The following GPC6 variants were observed in gnomAD, a reference collection of about 807,000 sequenced individuals.
GPC6 encodes glypican-6.
GPC6 carries 14 observed loss-of-function variants against 55.2 expected under a neutral mutation model. That is an observed-to-expected ratio of 0.25 (90% CI 0.17 to 0.40). The LOEUF is 0.40. GPC6 is among the 10% of genes least tolerant of loss of function. The pLI is 1.00. For synonymous variants in GPC6, 278 were observed against 259.6 expected, an observed-to-expected ratio of 1.07 and a Z score of -0.68; for missense variants, 641 against 708.5, an observed-to-expected ratio of 0.90 and a Z score of 1.08.
At chr13:94,029,266 C>T (rs1286497818) in intron 4 of GPC6, among the ~76,000 whole-genome samples, 1 of 152,152 alleles carries the variant, frequency 6.6e-6, no homozygotes, top group Non-Finnish European at 1.5e-5. Context: ...AATTGAAGTG[C>T]CGTTACCTCT....
In GPC6 at chr13:94,388,525, TG is replaced by T. The variant is rs1232974530; in HGVS notation, c.1289+5976del. ...CACACAAACCTCTGGTCTTTAATAG[TG>T]CCATTTTGATACATGGCAAGGATGA... On this transcript the variant is annotated intron_variant, in intron 7 of 8. Coordinates refer to ENST00000377047, the MANE Select transcript of GPC6 (RefSeq NM_005708.5). Among the ~76,000 whole-genome samples, 4 of 152,358 alleles carry T rather than the reference TG, an allele frequency of 2.6e-5. No homozygotes were observed. In the South Asian group the frequency reaches 6.2e-4, roughly 24 times the overall value.
intron 6 of GPC6, among the ~76,000 whole-genome samples, chr13:94,377,601 C>G (rs1333864187): frequency 6.7e-6 from 1 of 149,278 alleles, no homozygotes; most frequent in African/African-American, 2.4e-5. Flanking sequence ...GTTGGTGGGA[C>G]TGTAAACTAG....
chr13:93,304,107 C>T (rs902947219), intron 1 of GPC6, among the ~76,000 whole-genome samples: 4 of 152,018 alleles, frequency 2.6e-5, no homozygotes, highest in Non-Finnish European at 4.4e-5. Flanking sequence ...ACCTTGTGAT[C>T]CGCCTGCCTC....
intron 2 of GPC6, among the ~76,000 whole-genome samples, chr13:93,670,772 C>T (rs552501410): frequency 2.6e-5 from 4 of 152,298 alleles, no homozygotes; most frequent in African/African-American, 9.6e-5. Flanking sequence ...TCGTACAGGT[C>T]ACCTTTAAAA....
rs564770641 is a variant in GPC6 at position 93,691,920 on chromosome 13, G to C, written c.320-138234G>C. Among the ~76,000 whole-genome samples, 3 of 152,140 alleles carry C rather than the reference G, an allele frequency of 2.0e-5. No homozygotes were observed. In the South Asian group the frequency reaches 6.2e-4, roughly 32 times the overall value. On this transcript the variant is annotated intron_variant, in intron 2 of 8. Coordinates refer to ENST00000377047, the MANE Select transcript of GPC6 (RefSeq NM_005708.5). ...GGATTTTGGAAGTTTTATAGTTAGA[G>C]AGAACAACTAATATATATACTTCAG...
intron 2 of GPC6, among the ~76,000 whole-genome samples, chr13:93,738,205 T>C (rs573372471): frequency 1.3e-5 from 2 of 152,320 alleles, no homozygotes; most frequent in South Asian, 4.1e-4. Context: ...ACCAATGGAA[T>C]GTCTGAGTGG....
chr13:93,300,662 A>AT (rs902012335), intron 1 of GPC6, among the ~76,000 whole-genome samples: 1 of 151,356 alleles, frequency 6.6e-6, no homozygotes, highest in Non-Finnish European at 1.5e-5. Context: ...AAAAAAAAAA[A>AT]AAGAATAGGA....
chr13:93,829,739 G>T (rs1887409049), intron 2 of GPC6, among the ~76,000 whole-genome samples: 1 of 152,140 alleles, frequency 6.6e-6, no homozygotes, highest in African/African-American at 2.4e-5. Context: ...ATGGAATTTA[G>T]TGTTAGGACA....
At chr13:94,106,398 C>T (rs529165922) in intron 4 of GPC6, among the ~76,000 whole-genome samples, 15 of 152,138 alleles carry the variant, frequency 9.9e-5, no homozygotes, top group Non-Finnish European at 1.6e-4. Context: ...AAGTGGGTAG[C>T]GAGACAGAGT....
intron 3 of GPC6, among the ~76,000 whole-genome samples, chr13:93,839,068 A>C (rs908765108): frequency 6.6e-6 from 1 of 152,150 alleles, no homozygotes; most frequent in Non-Finnish European, 1.5e-5. Context: ...CAAGAAATAG[A>C]CTAATCAATA....
intron 4 of GPC6, among the ~76,000 whole-genome samples, chr13:94,142,085 A>G (rs544600351): frequency 6.6e-6 from 1 of 152,192 alleles, no homozygotes; most frequent in South Asian, 2.1e-4. Context: ...TAAGTGTTCT[A>G]GAACATGTTG....
intron 3 of GPC6, among the ~76,000 whole-genome samples, chr13:93,909,814 A>G (rs1594579689): frequency 6.6e-6 from 1 of 152,196 alleles, no homozygotes; most frequent in East Asian, 1.9e-4. Context: ...TCCAGTTTTC[A>G]TTTTCCAAAA....
chr13:93,239,294 T>G (rs1876350471), intron 1 of GPC6, among the ~76,000 whole-genome samples: 1 of 152,006 alleles, frequency 6.6e-6, no homozygotes, highest in African/African-American at 2.4e-5. Context: ...TTCTATTTCT[T>G]TCTGATTCAA....
At chr13:94,192,052 A>AT (rs1055713012) in intron 4 of GPC6, among the ~76,000 whole-genome samples, 1 of 146,138 alleles carries the variant, frequency 6.8e-6, no homozygotes, top group African/African-American at 2.5e-5. Flanking sequence ...TATGATTTTT[A>AT]TTAAAAAAAA....
chr13:94,115,222 A>T (rs1432355425), intron 4 of GPC6, among the ~76,000 whole-genome samples: 4 of 152,122 alleles, frequency 2.6e-5, no homozygotes, highest in Non-Finnish European at 2.9e-5. Context: ...GTACATTTTA[A>T]TACAGTCATG....
intron 6 of GPC6, among the ~76,000 whole-genome samples, chr13:94,309,382 G>T (rs1013964210): frequency 1.3e-5 from 2 of 151,994 alleles, no homozygotes; most frequent in African/African-American, 4.8e-5. Context: ...AATGTGAACT[G>T]GTCGTTATGG....
rs376327312 is a variant in GPC6 at position 94,128,921 on chromosome 13, G to A, written c.877+101027G>A. On this transcript the variant is annotated intron_variant, in intron 4 of 8. Coordinates refer to ENST00000377047, the MANE Select transcript of GPC6 (RefSeq NM_005708.5). ...CATAACTACTTTTTTCCACACCCAC[G>A]TTACTCAAATACAAAAACCAGTATC... Among the ~76,000 whole-genome samples, 16 of 152,016 alleles carry A rather than the reference G, an allele frequency of 1.1e-4. No homozygotes were observed. The East Asian group carries it at 1.2e-3, about 11-fold the overall frequency.
chr13:93,235,027 T>C (rs1289279774), intron 1 of GPC6, among the ~76,000 whole-genome samples: 24 of 152,326 alleles, frequency 1.6e-4, no homozygotes, highest in African/African-American at 5.8e-4. Flanking sequence ...AAAAAAAACT[T>C]CAAATTTTTT....
chr13:93,410,606 G>A (rs1215136761), intron 1 of GPC6, among the ~76,000 whole-genome samples: 2 of 152,136 alleles, frequency 1.3e-5, no homozygotes, highest in Admixed American at 6.6e-5. Flanking sequence ...ATTACGACAA[G>A]TCAATTTTCT....
Sources: allele counts gnomAD v4.1 joint callset (sites outside exome capture counted in the v4.1 genomes callset), GRCh38; gene constraint gnomAD v4.1.1; transcripts MANE v1.5; gene names NCBI Gene and HGNC (gene_info 2026-07-23, HGNC 2026-07-21).